Variants in LOC128092252 observed in about 807,000 individuals in gnomAD.
the LOC128092252 span, among the ~76,000 whole-genome samples, chr15:50,660,081 T>C: frequency 3.3e-5 from 5 of 152,230 alleles, no homozygotes; most frequent in African/African-American, 1.2e-4. Context: ...CCCATCTTTA[T>C]GAATAGCCAT....
the LOC128092252 span, among the ~76,000 whole-genome samples, chr15:50,677,872 G>A: frequency 4.0e-5 from 6 of 151,430 alleles, no homozygotes; most frequent in Admixed American, 1.3e-4. Context: ...TCAAAAGAAC[G>A]GTAATCAAAT....
chr15:50,683,631 C>A, the LOC128092252 span, among the ~76,000 whole-genome samples: 2 of 151,972 alleles, frequency 1.3e-5, no homozygotes, highest in African/African-American at 4.8e-5. Flanking sequence ...CTTCGGGAGG[C>A]TGGGGCAGCA....
At chr15:50,656,243 A>AT in the LOC128092252 span, among the ~76,000 whole-genome samples, 5 of 152,160 alleles carry the variant, frequency 3.3e-5, no homozygotes, top group Non-Finnish European at 7.4e-5. Flanking sequence ...AGAAGAAATG[A>AT]AAAGGACTGG....
At chr15:50,656,309 T>G in the LOC128092252 span, among the ~76,000 whole-genome samples, 1 of 152,032 alleles carries the variant, frequency 6.6e-6, no homozygotes, top group African/African-American at 2.4e-5. Flanking sequence ...TTGTTTGTTT[T>G]TTTTTCTGGA....
At chr15:50,675,760 A>AT in the LOC128092252 span, among the ~76,000 whole-genome samples, 1 of 152,212 alleles carries the variant, frequency 6.6e-6, no homozygotes, top group Non-Finnish European at 1.5e-5. Context: ...AAATCTGAAA[A>AT]TTCCTAAATT....
At chr15:50,669,167 C>T in the LOC128092252 span, among the ~76,000 whole-genome samples, 11 of 152,228 alleles carry the variant, frequency 7.2e-5, no homozygotes, top group South Asian at 2.1e-3. Flanking sequence ...CATGGCTGAG[C>T]GTGGTGGCTC....
the LOC128092252 span, among the ~76,000 whole-genome samples, chr15:50,668,424 G>A: frequency 6.6e-6 from 1 of 152,092 alleles, no homozygotes; most frequent in Non-Finnish European, 1.5e-5. Context: ...GACAAAATTT[G>A]GAGCATATTT....
the LOC128092252 span, chr15:50,686,668 C>A: frequency 8.1e-7 from 1 of 1,234,886 alleles, no homozygotes; most frequent in Non-Finnish European, 1.1e-6. Flanking sequence ...GGGAAACCTT[C>A]TCAGAACTAA....
the LOC128092252 span, chr15:50,686,402 G>A: frequency 2.7e-6 from 4 of 1,483,678 alleles, no homozygotes; most frequent in Non-Finnish European, 3.7e-6. Flanking sequence ...AAATCCGGAA[G>A]CCTCAAGGCA....
At chr15:50,649,437 C>CAA in the LOC128092252 span, among the ~76,000 whole-genome samples, 22 of 92,784 alleles carry the variant, frequency 2.4e-4, no homozygotes, top group South Asian at 3.1e-4. Flanking sequence ...GACCCCAACT[C>CAA]AAAAAAAAAA....
At chr15:50,669,075 G>T in the LOC128092252 span, among the ~76,000 whole-genome samples, 2 of 152,222 alleles carry the variant, frequency 1.3e-5, no homozygotes, top group East Asian at 1.9e-4. Context: ...GTTATCTTGG[G>T]ACCTCAAGAA....
chr15:50,655,900 G>C, the LOC128092252 span, among the ~76,000 whole-genome samples: 3 of 151,742 alleles, frequency 2.0e-5, no homozygotes, highest in South Asian at 2.1e-4. Context: ...TGAGGCAGGA[G>C]AATCACTTGA....
chr15:50,665,193 G>A, the LOC128092252 span, among the ~76,000 whole-genome samples: 1 of 152,026 alleles, frequency 6.6e-6, no homozygotes, highest in East Asian at 1.9e-4. Flanking sequence ...GAGGCCAGGA[G>A]TTCGAGACCA....
the LOC128092252 span, among the ~76,000 whole-genome samples, chr15:50,667,694 G>A: frequency 1.3e-5 from 2 of 152,040 alleles, no homozygotes; most frequent in Non-Finnish European, 2.9e-5. Flanking sequence ...GCAACAGAAG[G>A]AGACTCCATC....
chr15:50,679,528 ATATATATATAT>A, the LOC128092252 span, among the ~76,000 whole-genome samples: 7 of 47,382 alleles, frequency 1.5e-4, no homozygotes, highest in East Asian at 7.9e-4. Context: ...ATATATATAT[ATATATATATAT>A]TTTTTTTTTT....
the LOC128092252 span, among the ~76,000 whole-genome samples, chr15:50,673,191 C>T: frequency 6.6e-6 from 1 of 152,116 alleles, no homozygotes; most frequent in African/African-American, 2.4e-5. Context: ...CTCACTGACT[C>T]GCCCAGAACA....
chr15:50,652,466 A>G, the LOC128092252 span, among the ~76,000 whole-genome samples: 2 of 151,532 alleles, frequency 1.3e-5, no homozygotes, highest in African/African-American at 4.8e-5. Context: ...ATAATGAGAA[A>G]AACTGAACAG....
At chr15:50,669,936 T>C in the LOC128092252 span, among the ~76,000 whole-genome samples, 2 of 152,220 alleles carry the variant, frequency 1.3e-5, no homozygotes, top group African/African-American at 4.8e-5. Context: ...GTTTTACTTA[T>C]TTTGCTTTAC....
the LOC128092252 span, among the ~76,000 whole-genome samples, chr15:50,685,549 CTTAT>C: frequency 6.6e-6 from 1 of 152,180 alleles, no homozygotes; most frequent in Non-Finnish European, 1.5e-5. Context: ...AAGTAAAACT[CTTAT>C]TTTAGTTTTG....
Sources: allele counts gnomAD v4.1 joint callset (sites outside exome capture counted in the v4.1 genomes callset), GRCh38; gene constraint gnomAD v4.1.1; transcripts MANE v1.5.